Variants in RBMS3 observed in about 807,000 individuals in gnomAD.
RBMS3 encodes the protein RNA-binding motif, single-stranded-interacting protein 3.
In RBMS3, 27 loss-of-function variants were observed where a neutral mutation model predicts 66.8. The ratio of observed to expected loss-of-function variants is 0.40; its 90% CI spans 0.30 to 0.56. RBMS3 has a LOEUF of 0.56. Among genes scored for constraint, RBMS3 ranks in the 20% least tolerant of loss-of-function variants. The pLI, the probability that RBMS3 is intolerant of heterozygous loss-of-function variation, is 0.40. For missense variants in RBMS3, 513 were observed against 549.5 expected (o/e 0.93, Z 0.66); for synonymous variants, 188 against 183.0 (o/e 1.03, Z -0.22).
At chr3:29,323,836 G>T (rs971018014) in intron 1 of RBMS3, among the ~76,000 whole-genome samples, 1 of 151,150 alleles carries the variant, frequency 6.6e-6, no homozygotes, top group Non-Finnish European at 1.5e-5. Context: ...AAGCTTGTAC[G>T]CAATTTTTGG....
chr3:29,968,687 C>G (rs1416188566), intron 12 of RBMS3, among the ~76,000 whole-genome samples: 1 of 152,188 alleles, frequency 6.6e-6, no homozygotes, highest in African/African-American at 2.4e-5. Flanking sequence ...TTGGGGCACT[C>G]ACAGTATTTA....
intron 14 of RBMS3, among the ~76,000 whole-genome samples, chr3:29,999,900 A>C (rs1032722568): frequency 2.0e-5 from 3 of 151,898 alleles, no homozygotes; most frequent in Admixed American, 6.6e-5. Flanking sequence ...CTAAAACTTA[A>C]AGTATAATAA....
At chr3:29,876,594 T>C (rs1301986541) in intron 7 of RBMS3, among the ~76,000 whole-genome samples, 1 of 152,072 alleles carries the variant, frequency 6.6e-6, no homozygotes, top group Non-Finnish European at 1.5e-5. Flanking sequence ...GCTTCCACCA[T>C]GGGTCATGGG....
At chr3:29,974,791 T>C (rs934721396) in intron 12 of RBMS3, among the ~76,000 whole-genome samples, 1 of 130,746 alleles carries the variant, frequency 7.6e-6, no homozygotes, top group African/African-American at 3.0e-5. Flanking sequence ...ATATTTTATA[T>C]ATAAAATACG....
chr3:29,892,683 G>GGAATAAT, intron 8 of RBMS3, among the ~76,000 whole-genome samples: 1 of 151,210 alleles, frequency 6.6e-6, no homozygotes, highest in Non-Finnish European at 1.5e-5. Flanking sequence ...ACATTTGCAA[G>GGAATAAT]GCATAATGCA....
At chr3:29,519,411 C>T (rs947841809) in intron 3 of RBMS3, among the ~76,000 whole-genome samples, 14 of 152,224 alleles carry the variant, frequency 9.2e-5, no homozygotes, top group Admixed American at 3.9e-4. Context: ...GAGCCTAGAA[C>T]GACCTCCAAG....
chr3:29,861,557 C>T (rs1182364306), intron 6 of RBMS3, among the ~76,000 whole-genome samples: 1 of 152,172 alleles, frequency 6.6e-6, no homozygotes, highest in South Asian at 2.1e-4. Flanking sequence ...ATGTCAATAT[C>T]TTCTCATCAA....
intron 4 of RBMS3, among the ~76,000 whole-genome samples, chr3:29,739,325 G>A (rs868777632): frequency 2.9e-4 from 44 of 152,000 alleles, no homozygotes; most frequent in African/African-American, 7.7e-4. Context: ...GCGTGGTGGC[G>A]GGCGCCTGTA....
At chr3:29,985,222 C>T (rs1241385245) in intron 12 of RBMS3, among the ~76,000 whole-genome samples, 1 of 152,180 alleles carries the variant, frequency 6.6e-6, no homozygotes, top group African/African-American at 2.4e-5. Context: ...AGGGCAGACA[C>T]CCCTCCCCAC....
chr3:29,419,228 T>C (rs2040603454), intron 1 of RBMS3, among the ~76,000 whole-genome samples: 3 of 152,188 alleles, frequency 2.0e-5, no homozygotes, highest in Admixed American at 2.0e-4. Context: ...CTTTCTATGC[T>C]GTGCTGTGTG....
intron 3 of RBMS3, among the ~76,000 whole-genome samples, chr3:29,539,972 A>T (rs2045699162): frequency 6.6e-6 from 1 of 151,826 alleles, no homozygotes; most frequent in African/African-American, 2.4e-5. Context: ...TCATTCAAAC[A>T]CTCTTTCTTA....
At chr3:29,601,679 T>G (rs2149117936) in intron 4 of RBMS3, among the ~76,000 whole-genome samples, 1 of 152,210 alleles carries the variant, frequency 6.6e-6, no homozygotes, top group South Asian at 2.1e-4. Flanking sequence ...AAATAATTTC[T>G]AATTGTAAAC....
At position 30,005,250 on chromosome 3, in the gene RBMS3, C is replaced by A. The variant is rs1479307653; in HGVS notation, c.*1388C>A. 1 of 150,410 alleles carries A rather than the reference C, an allele frequency of 6.6e-6. No homozygotes were observed. Among genetic ancestry groups the A allele is most frequent in the Non-Finnish European group, 1.5e-5 (1 of 67,536 alleles). 9.3% of individuals were successfully genotyped at this position (150,410 alleles called of 1,614,324 possible). On this transcript the variant is annotated 3_prime_UTR_variant, in exon 15 of 15. Transcript: ENST00000383767. ...TCTCTCTTTTCTTTAAATGTGTATT[C>A]ATTGATAGCAGAAGCTTGTACCTGC...
chr3:29,580,102 T>G (rs2149082213), intron 3 of RBMS3, among the ~76,000 whole-genome samples: 1 of 152,312 alleles, frequency 6.6e-6, no homozygotes, highest in South Asian at 2.1e-4. Context: ...ACTAAATACT[T>G]TGCTCTCTAA....
chr3:29,341,479 TTTTTA>T (rs2036279673), intron 1 of RBMS3, among the ~76,000 whole-genome samples: 1 of 152,220 alleles, frequency 6.6e-6, no homozygotes, highest in South Asian at 2.1e-4. Context: ...CTTATAAGTA[TTTTTA>T]TTTTATCATC....
chr3:29,853,471 A>G (rs899898436), intron 6 of RBMS3, among the ~76,000 whole-genome samples: 2 of 138,642 alleles, frequency 1.4e-5, no homozygotes, highest in African/African-American at 6.2e-5. Context: ...AATAGAGTGA[A>G]AACAGAGCTC....
chr3:30,000,305 T>C (rs1342915123), intron 14 of RBMS3, among the ~76,000 whole-genome samples: 2 of 152,282 alleles, frequency 1.3e-5, no homozygotes, highest in South Asian at 2.1e-4. Flanking sequence ...TCACCACTGA[T>C]TATCAGAGAA....
intron 8 of RBMS3, among the ~76,000 whole-genome samples, chr3:29,886,058 G>A (rs2059861959): frequency 1.3e-5 from 2 of 151,744 alleles, no homozygotes; most frequent in Non-Finnish European, 2.9e-5. Flanking sequence ...CCATATCAAA[G>A]TAAAATTTAA....
At chr3:29,635,357 C>A (rs1343535217) in intron 4 of RBMS3, among the ~76,000 whole-genome samples, 1 of 151,866 alleles carries the variant, frequency 6.6e-6, no homozygotes, top group Non-Finnish European at 1.5e-5. Context: ...ATGGCAGTAC[C>A]ATCCTTCTAG....
Sources: gnomAD v4.1 joint callset for allele counts (sites outside exome capture counted in the v4.1 genomes callset) on GRCh38, gnomAD v4.1.1 for gene constraint, MANE v1.5 for transcripts, NCBI Gene and HGNC (gene_info 2026-07-23, HGNC 2026-07-21) for gene names.